NEO1: variants seen among roughly 807,000 people sequenced by gnomAD.
The protein encoded by NEO1 is neogenin.
In NEO1, 63 loss-of-function variants were observed where a neutral mutation model predicts 159.7. The observed-to-expected ratio is 0.39, with a 90% confidence interval of 0.32 to 0.49. NEO1 has a LOEUF of 0.49. NEO1 is among the 20% of genes least tolerant of loss of function. The probability of loss-of-function intolerance (pLI) is 0.85; values close to 1 mark genes in which losing one functional copy is unlikely to be tolerated. For missense variants in NEO1, 1,615 were observed against 1,831.0 expected, an observed-to-expected ratio of 0.88 and a Z score of 2.15; for synonymous variants, 633 against 662.0, an observed-to-expected ratio of 0.96 and a Z score of 0.67.
At chr15:73,145,827 A>G (rs2032847977) in intron 5 of NEO1, among the ~76,000 whole-genome samples, 1 of 152,106 alleles carries the variant, frequency 6.6e-6, no homozygotes. Flanking sequence ...AATTTTCAGA[A>G]TACTGGATGT....
At chr15:73,235,483 G>A (rs554635755) in intron 7 of NEO1, among the ~76,000 whole-genome samples, 5 of 152,312 alleles carry the variant, frequency 3.3e-5, no homozygotes, top group Non-Finnish European at 4.4e-5. Context: ...ATACAAAAGT[G>A]GCTTTTGACT....
intron 5 of NEO1, among the ~76,000 whole-genome samples, chr15:73,158,433 C>T (rs1345942557): frequency 6.6e-6 from 1 of 152,020 alleles, no homozygotes; most frequent in East Asian, 1.9e-4. Flanking sequence ...GGATCTCACT[C>T]TGTTGCCCAG....
intron 28 of NEO1, 48 bp downstream of exon 28, chr15:73,301,505 C>T: frequency 6.2e-7 from 1 of 1,612,528 alleles, no homozygotes; most frequent in Non-Finnish European, 8.5e-7. Context: ...GGGAACATGC[C>T]CCAGGGCCTG....
intron 7 of NEO1, among the ~76,000 whole-genome samples, chr15:73,223,440 T>C (rs1196317732): frequency 6.6e-6 from 1 of 152,212 alleles, no homozygotes; most frequent in Non-Finnish European, 1.5e-5. Context: ...CTGTTAGTAA[T>C]TGTTTTATAA....
At position 73,249,765 on chromosome 15, in the gene NEO1, C is replaced by T. The variant is rs778492601; in HGVS notation, c.1894+44C>T. On this transcript the variant is annotated intron_variant, in intron 11 of 28. Coordinates refer to ENST00000261908, the MANE Select transcript of NEO1 (RefSeq NM_002499.4). ...GGAACGATATACCACACTTGGTGCC[C>T]CTAGTGGTTTAGTTGTAAGATCATG... 7.7e-6 allele frequency: 12 copies of T among 1,562,820 alleles called. No homozygotes were observed. In the South Asian group the frequency reaches 1.4e-4, roughly 18 times the overall value.
chr15:73,093,704 G>A (rs573293691), intron 1 of NEO1, among the ~76,000 whole-genome samples: 1 of 151,918 alleles, frequency 6.6e-6, no homozygotes, highest in South Asian at 2.1e-4. Context: ...CTCCCAAGTA[G>A]CTGGGACCAC....
At chr15:73,267,365 G>A (rs1254765543) in intron 16 of NEO1, among the ~76,000 whole-genome samples, 1 of 152,104 alleles carries the variant, frequency 6.6e-6, no homozygotes, top group Non-Finnish European at 1.5e-5. Context: ...AAAGTTTATT[G>A]AATATGTTAG....
intron 7 of NEO1, among the ~76,000 whole-genome samples, chr15:73,185,139 G>A (rs1386093678): frequency 1.3e-5 from 2 of 152,054 alleles, no homozygotes; most frequent in East Asian, 3.9e-4. Flanking sequence ...GGAGGAGAGA[G>A]CGATGAATAA....
chr15:73,185,354 A>G (rs953806416), intron 7 of NEO1, among the ~76,000 whole-genome samples: 8 of 152,200 alleles, frequency 5.3e-5, no homozygotes, highest in African/African-American at 1.9e-4. Context: ...GATGTTGATA[A>G]TGGGGGAAAC....
intron 22 of NEO1, 84 bp downstream of exon 22, chr15:73,278,283 G>A: frequency 1.6e-6 from 2 of 1,216,306 alleles, no homozygotes; most frequent in Non-Finnish European, 2.4e-6. Context: ...TTTATAGCTT[G>A]TGTGTGGTGG....
chr15:73,124,153 C>A (rs907730782), intron 3 of NEO1, among the ~76,000 whole-genome samples: 1 of 152,152 alleles, frequency 6.6e-6, no homozygotes, highest in African/African-American at 2.4e-5. Flanking sequence ...GCCTTGATCT[C>A]CTGGGCTCAA....
rs2071352436 is a variant in NEO1, at chr15:73,116,867, A to C, written c.448+10A>C. 6.8e-7 allele frequency: 1 copy of C among 1,464,406 alleles called. No individual in the cohort carries two copies. The highest frequency in any genetic ancestry group is 8.9e-7 in the Non-Finnish European group (1 of 1,119,598). 90.7% of individuals were successfully genotyped at this position (1,464,406 alleles called of 1,614,324 possible). The stretch of plus-strand genomic sequence containing the variant: ...AAGCTCATAGTAGCAGGTAAGTTTT[A>C]AGTGATTTTTTTTTTTGCATTTTCA... On this transcript the variant is annotated intron_variant, in intron 2 of 28. Transcript: ENST00000261908.
chr15:73,219,990 C>T (rs1383543048), intron 7 of NEO1, among the ~76,000 whole-genome samples: 5 of 151,576 alleles, frequency 3.3e-5, no homozygotes, highest in Admixed American at 2.6e-4. Flanking sequence ...TTATTTTGCT[C>T]GTTAGTTGAT....
chr15:73,084,846 C>A (rs922915787), intron 1 of NEO1, among the ~76,000 whole-genome samples: 2 of 151,546 alleles, frequency 1.3e-5, no homozygotes, highest in African/African-American at 4.8e-5. Flanking sequence ...GGCCCCAGGT[C>A]TTCTACAGTT....
At chr15:73,295,029 A>T (rs2042301949) in intron 26 of NEO1, among the ~76,000 whole-genome samples, 1 of 150,784 alleles carries the variant, frequency 6.6e-6, no homozygotes. Context: ...CTGTAATTCT[A>T]GCACTTTGGG....
At chr15:73,066,035 C>CTTTT (rs11400510) in intron 1 of NEO1, among the ~76,000 whole-genome samples, 1 of 139,766 alleles carries the variant, frequency 7.2e-6, no homozygotes, top group Non-Finnish European at 1.6e-5. Flanking sequence ...TCTTTCTTTT[C>CTTTT]TTTTTTTTTT....
At chr15:73,155,270 A>G (rs1378738780) in intron 5 of NEO1, among the ~76,000 whole-genome samples, 2 of 152,010 alleles carry the variant, frequency 1.3e-5, no homozygotes, top group Non-Finnish European at 2.9e-5. Context: ...TGCACTTTGA[A>G]AATGCCAGCT....
intron 7 of NEO1, among the ~76,000 whole-genome samples, chr15:73,196,041 AT>A (rs1170518104): frequency 6.6e-6 from 1 of 152,202 alleles, no homozygotes; most frequent in Non-Finnish European, 1.5e-5. Flanking sequence ...TGAATGGGTA[AT>A]GAGCAGAAAT....
chr15:73,250,775 G>T (rs2040030637), intron 11 of NEO1, among the ~76,000 whole-genome samples: 1 of 152,046 alleles, frequency 6.6e-6, no homozygotes, highest in South Asian at 2.1e-4. Context: ...AATAAAATAT[G>T]TATGATCTTT....
Sources: allele counts gnomAD v4.1 joint callset (sites outside exome capture counted in the v4.1 genomes callset), GRCh38; gene constraint gnomAD v4.1.1; transcripts MANE v1.5; gene names NCBI Gene and HGNC (gene_info 2026-07-23, HGNC 2026-07-21).